ELMO1: variants seen among roughly 807,000 people sequenced by gnomAD.
ELMO1 encodes engulfment and cell motility protein 1.
Under a neutral mutation model 98.9 loss-of-function variants are expected in ELMO1, and 26 were observed. The observed-to-expected ratio is 0.26, with a 90% CI of 0.19 to 0.36. The LOEUF is 0.36. ELMO1 is among the 10% of genes least tolerant of loss of function. The pLI is 1.00. For missense variants in ELMO1, 627 were observed against 935.2 expected, an observed-to-expected ratio of 0.67 and a Z score of 4.30; for synonymous variants, 346 against 346.0, an observed-to-expected ratio of 1.00 and a Z score of 0.00.
chr7:37,259,330 G>C lies in ELMO1; in HGVS notation c.264C>G (p.Leu88=). The C allele has an allele frequency of 6.2e-7, 1 of 1,614,068 alleles. No individual in the cohort carries two copies. Residue 88 remains leucine (L), a synonymous_variant, in exon 6 of 22, where the codon CTC becomes CTG. Coordinates refer to ENST00000310758, the MANE Select transcript of ELMO1 (RefSeq NM_014800.11). ...TACTCGAGGACTGGATTCGTTCATGGAGCTGCTGGGCGTTCTGAGCCTTAT... is the reference window on the plus strand; with the variant it reads ...TACTCGAGGACTGGATTCGTTCATGCAGCTGCTGGGCGTTCTGAGCCTTAT... The part of the protein sequence containing the change: ...TTSPAQNAQQ[L]HERIQSSSMD...
chr7:37,288,642 C>T (rs1797523030), intron 4 of ELMO1, among the ~76,000 whole-genome samples: 1 of 152,218 alleles, frequency 6.6e-6, no homozygotes, highest in Non-Finnish European at 1.5e-5. Context: ...GCTGGCACAA[C>T]CACATTGCGA....
chr7:37,121,826 A>G (rs563401825), intron 14 of ELMO1, among the ~76,000 whole-genome samples: 21 of 152,284 alleles, frequency 1.4e-4, no homozygotes, highest in Admixed American at 1.2e-3. Flanking sequence ...CATAATACAC[A>G]TAATTGTCAG....
At chr7:37,188,409 TACACACACACACACACACACACAC>T (rs566236838) in intron 13 of ELMO1, among the ~76,000 whole-genome samples, 2 of 115,860 alleles carry the variant, frequency 1.7e-5, no homozygotes, top group African/African-American at 3.6e-5. Context: ...TGCTTCTTGT[TACACACACACACACACACACACAC>T]ACACACACAC....
intron 16 of ELMO1, among the ~76,000 whole-genome samples, chr7:36,904,264 C>CTT (rs1055739756): frequency 6.6e-6 from 1 of 152,228 alleles, no homozygotes; most frequent in Non-Finnish European, 1.5e-5. Context: ...TAAAAGGTGA[C>CTT]TTTTCAAATG....
intron 10 of ELMO1, among the ~76,000 whole-genome samples, chr7:37,221,347 T>C (rs1229250357): frequency 3.9e-5 from 6 of 152,200 alleles, no homozygotes; most frequent in Admixed American, 3.3e-4. Flanking sequence ...ATTCTTGTCA[T>C]AGCATTCAGT....
At chr7:37,147,467 A>G (rs1788056782) in intron 13 of ELMO1, among the ~76,000 whole-genome samples, 1 of 152,148 alleles carries the variant, frequency 6.6e-6, no homozygotes, top group Non-Finnish European at 1.5e-5. Flanking sequence ...CCCAGGTTCA[A>G]TGAAGCTCTA....
At chr7:37,020,776 G>A (rs1794220493) in intron 15 of ELMO1, among the ~76,000 whole-genome samples, 1 of 152,148 alleles carries the variant, frequency 6.6e-6, no homozygotes, top group South Asian at 2.1e-4. Flanking sequence ...TGGAAATGGT[G>A]CACTTTGAAA....
chr7:37,188,501 A>ATAAT (rs1554438184), intron 13 of ELMO1, among the ~76,000 whole-genome samples: 6,647 of 125,922 alleles, frequency 0.053, 402 homozygotes, highest in East Asian at 0.086. Context: ...AAAAAAAAAA[A>ATAAT]AATAATAATA....
chr7:36,892,009 A>G (rs1163042639), intron 17 of ELMO1, among the ~76,000 whole-genome samples: 3 of 152,216 alleles, frequency 2.0e-5, no homozygotes, highest in African/African-American at 7.2e-5. Context: ...CATAACAAAT[A>G]CCTCCTCTTT....
chr7:36,924,825 A>G (rs562988636), intron 16 of ELMO1, among the ~76,000 whole-genome samples: 15 of 152,276 alleles, frequency 9.9e-5, no homozygotes, highest in African/African-American at 3.6e-4. Context: ...CTGGGGGAAT[A>G]ATTGAAAACT....
intron 14 of ELMO1, among the ~76,000 whole-genome samples, chr7:37,118,686 C>A (rs986040160): frequency 6.6e-6 from 1 of 152,182 alleles, no homozygotes; most frequent in African/African-American, 2.4e-5. Flanking sequence ...TTATTACAGA[C>A]TATCATCATC....
chr7:36,914,073 G>C (rs1226481529), intron 16 of ELMO1, among the ~76,000 whole-genome samples: 3 of 152,182 alleles, frequency 2.0e-5, no homozygotes, highest in African/African-American at 7.2e-5. Context: ...GCTAGGTACA[G>C]GAAGCTATCT....
At chr7:37,253,290 C>A (rs1438495210) in intron 6 of ELMO1, among the ~76,000 whole-genome samples, 1 of 152,144 alleles carries the variant, frequency 6.6e-6, no homozygotes, top group African/African-American at 2.4e-5. Flanking sequence ...ATGTTTATTG[C>A]AGCACTGTGC....
chr7:36,894,784 A>G, intron 17 of ELMO1, 70 bp downstream of exon 17: 1 of 1,593,362 alleles, frequency 6.3e-7, no homozygotes, highest in East Asian at 2.2e-5. Flanking sequence ...CAGCTTCATG[A>G]CAGGCGGTCA....
chr7:37,333,304 T>G (rs1800233583), intron 2 of ELMO1, among the ~76,000 whole-genome samples: 1 of 152,140 alleles, frequency 6.6e-6, no homozygotes, highest in African/African-American at 2.4e-5. Context: ...AAGCACAAAG[T>G]GTAACATTCA....
intron 15 of ELMO1, among the ~76,000 whole-genome samples, chr7:37,032,595 C>G (rs73119194): frequency 9.3e-4 from 142 of 152,276 alleles, no homozygotes; most frequent in Non-Finnish European, 1.8e-3. Context: ...TACCCAAAGC[C>G]TTGGCCAAGG....
chr7:37,030,699 C>T lies in ELMO1; in HGVS notation c.1301-17264G>A, dbSNP rs189193518. ...TGTTCTTCTTCCCAATCTCCTTGCT[C>T]TTTCTCGTCTCCTTCATAGATTTGT... On this transcript the variant is annotated intron_variant, in intron 15 of 21. Coordinates refer to ENST00000310758, the MANE Select transcript of ELMO1 (RefSeq NM_014800.11). Among the ~76,000 whole-genome samples, 86 of 152,294 alleles carry T rather than the reference C, an allele frequency of 5.6e-4. 1 individual carries two copies. In the East Asian group the frequency reaches 0.011, roughly 19 times the overall value.
At chr7:37,312,600 T>C (rs1798948340) in intron 4 of ELMO1, among the ~76,000 whole-genome samples, 1 of 152,166 alleles carries the variant, frequency 6.6e-6, no homozygotes, top group African/African-American at 2.4e-5. Context: ...GGGGTTGGGA[T>C]CTAAAGCCCT....
At chr7:37,344,580 T>C (rs1318344885) in intron 1 of ELMO1, among the ~76,000 whole-genome samples, 4 of 152,214 alleles carry the variant, frequency 2.6e-5, no homozygotes, top group Non-Finnish European at 4.4e-5. Flanking sequence ...ATCCTTACAA[T>C]AGATTCACAG....
Sources: allele counts gnomAD v4.1 joint callset (sites outside exome capture counted in the v4.1 genomes callset), GRCh38; gene constraint gnomAD v4.1.1; transcripts MANE v1.5; gene names NCBI Gene and HGNC (gene_info 2026-07-23, HGNC 2026-07-21).